The following CHRD variants were observed in gnomAD, a reference collection of about 807,000 sequenced individuals.
CHRD encodes the protein chordin.
A neutral mutation model predicts 113.7 loss-of-function variants in CHRD; 69 were observed. The observed-to-expected ratio is 0.61, with a 90% CI of 0.50 to 0.74. CHRD has a LOEUF of 0.74. CHRD is among the 30% of genes least tolerant of loss of function. CHRD has a pLI of 0.00. For missense variants in CHRD, 1,194 were observed against 1,295.8 expected (o/e 0.92, Z 1.21); for synonymous variants, 561 against 540.8 (o/e 1.04, Z -0.52).
Position 184,380,188 on chromosome 3 carries a change from G to GC in CHRD, c.-127dup. The GC allele has an allele frequency of 1.1e-5, 2 of 174,972 alleles. No individual in the cohort carries two copies. Among genetic ancestry groups the GC allele is most frequent in the Non-Finnish European group, 2.1e-5 (2 of 95,330 alleles). The allele number at this position is 174,972 out of a possible 1,614,324, so 10.8% of individuals were successfully genotyped here. ...CCCTCGCGGCACTGCCCCGGCCCCG[G>GC]CCCCGGCCCCGGCCCCCTCCCGCCG... On this transcript the variant is annotated 5_prime_UTR_variant, in exon 1 of 23. Transcript: ENST00000204604. This position sits in a 1 kb window ranked among gnomAD's most constrained non-coding sequence, Gnocchi z 6.3.
rs1246683634 is a variant in CHRD, at chr3:184,387,932, G to A, written c.2453G>A (p.Gly818Glu). Residue 818 changes from glycine to glutamate, a missense_variant and splice_region_variant, in exon 20 of 23, where the codon GGG (glycine) becomes GAG (glutamate). Physicochemically the swap from Gly to Glu is moderately conservative, Grantham distance 98. Transcript: ENST00000204604. The surrounding 1 kb of genome is among the most constrained non-coding windows in gnomAD (Gnocchi z 6.1). ...TCCTTGCTCAATGGATCCCTACAGG[G>A]GGGCACTGGAGAGGTGCACTGTGAG... 6.2e-7 allele frequency: 1 copy of A among 1,610,782 alleles called. No homozygotes were observed. Among genetic ancestry groups the A allele is most frequent in the African/African-American group, 1.3e-5 (1 of 75,048 alleles).
chr3:184,386,209 G>C, intron 15 of CHRD, 50 bp downstream of exon 15: 1 of 1,569,264 alleles, frequency 6.4e-7, no homozygotes, highest in Non-Finnish European at 8.8e-7. Flanking sequence ...TGCAGAGTTG[G>C]AGGGGCACTG....
At chr3:184,386,450 AG>A in intron 15 of CHRD, 41 bp from the exon 16 acceptor site, 1 of 1,530,444 alleles carries the variant, frequency 6.5e-7, no homozygotes, top group Admixed American at 2.3e-5. Flanking sequence ...TAAAGACGCG[AG>A]GGGGAGCCCC....
At chr3:184,386,435 G>A (rs918993107) in intron 15 of CHRD, 57 bp from the exon 16 acceptor site, 15 of 1,523,186 alleles carry the variant, frequency 9.8e-6, no homozygotes, top group Admixed American at 2.4e-5. Flanking sequence ...GCCAGCTGCC[G>A]CTGGTAAAGA....
exon 9 of CHRD, chr3:184,382,897 G>A: frequency 6.2e-7 from 1 of 1,613,864 alleles, no homozygotes; most frequent in Non-Finnish European, 8.5e-7. Context: ...TCTACACCAG[G>A]GGCAGCTACT....
Position 184,380,869 on chromosome 3 carries a change from T to C in CHRD, c.252+74T>C. The C allele has an allele frequency of 8.7e-7, 1 of 1,152,108 alleles. No homozygotes were observed. The highest frequency in any genetic ancestry group is 1.2e-6 in the Non-Finnish European group (1 of 815,018). The allele number at this position is 1,152,108 out of a possible 1,614,324, so 71.4% of individuals were successfully genotyped here. A position where few individuals can be genotyped will look rare whatever the true frequency, so the allele number is the denominator to read the frequency against. On this transcript the variant is annotated intron_variant, in intron 2 of 22. Transcript: ENST00000204604. This position sits in a 1 kb window ranked among gnomAD's most constrained non-coding sequence, Gnocchi z 6.3. The stretch of plus-strand genomic sequence containing the variant: ...GGGTCGCGCGGGCGTCGGAGTGGAC[T>C]CGGAGCTGCTGAGAAGGAGCCCAGT...
intron 22 of CHRD, 50 bp downstream of exon 22, chr3:184,389,045 C>T (rs779710827): frequency 1.6e-6 from 2 of 1,282,590 alleles, no homozygotes; most frequent in Admixed American, 1.7e-5. Flanking sequence ...GGCTCACCTG[C>T]CTGTGGGACT....
chr3:184,383,748 C>T, intron 12 of CHRD, 106 bp downstream of exon 12: 2 of 982,154 alleles, frequency 2.0e-6, no homozygotes, highest in Non-Finnish European at 2.9e-6. Context: ...CTCATGGGTT[C>T]TCCCACTCAT....
At chr3:184,383,391 G>T in exon 11 of CHRD, 2 of 1,614,042 alleles carry the variant, frequency 1.2e-6, no homozygotes, top group Non-Finnish European at 1.7e-6. Context: ...GCCTCACGCT[G>T]CTAGGAAATG....
At position 184,387,562 on chromosome 3, in the gene CHRD, C is replaced by T; in HGVS notation, c.2451+85C>T. 1 of 1,270,916 alleles carries T rather than the reference C, an allele frequency of 7.9e-7. No individual in the cohort carries two copies. The highest frequency in any genetic ancestry group is 1.1e-6 in the Non-Finnish European group (1 of 931,676). The allele number at this position is 1,270,916 out of a possible 1,614,324, so 78.7% of individuals were successfully genotyped here. On this transcript the variant is annotated intron_variant, in intron 19 of 22. Coordinates refer to ENST00000204604, the Ensembl canonical transcript of CHRD. This position sits in a 1 kb window ranked among gnomAD's most constrained non-coding sequence, Gnocchi z 6.1. ...GGGCTGCCAGGTGAGGAAGGCCCGT[C>T]CTTGGTGAGGAGGGCTCAAGAATCA...
Position 184,386,405 on chromosome 3 carries a change from G to A in CHRD, c.1933-87G>A, listed in dbSNP as rs114821809. 3,449 of 1,500,620 alleles carry A rather than the reference G, an allele frequency of 2.3e-3. 55 individuals carry two copies. The African/African-American group carries it at 0.036, about 16-fold the overall frequency. 93.0% of individuals were successfully genotyped at this position (1,500,620 alleles called of 1,614,324 possible). ...GGGCCACTGCAGCGCTCAGGGGGCC[G>A]AGGTGTCTCCTGCTGGCTGGCCAGC... On this transcript the variant is annotated intron_variant, in intron 15 of 22. Transcript: ENST00000204604.
At position 184,388,728 on chromosome 3, in the gene CHRD, C is replaced by A; in HGVS notation, c.2696C>A (p.Thr899Asn). 6.2e-7 allele frequency: 1 copy of A among 1,613,976 alleles called. No homozygotes were observed. Among genetic ancestry groups the A allele is most frequent in the Non-Finnish European group, 8.5e-7 (1 of 1,180,002 alleles). The change falls in exon 21 of 23, where the codon ACC becomes AAC. Residue 899 changes from threonine to asparagine, a missense_variant. By Grantham distance (65) the Thr-to-Asn change is moderately conservative. Transcript: ENST00000204604. This position sits in a 1 kb window ranked among gnomAD's most constrained non-coding sequence, Gnocchi z 6.1. The stretch of plus-strand genomic sequence containing the variant: ...CCTTTTGGAGAGATGAGCTGTATCA[C>A]CTGCAGATGTGGGGTAAGTGGGGAG...
exon 23 of CHRD, chr3:184,389,453 G>T (rs765738181): frequency 6.2e-7 from 1 of 1,603,382 alleles, no homozygotes. Flanking sequence ...TGACCAAGAG[G>T]ATGGGGCCTG....
At chr3:184,390,452 T>C (rs1434574720), downstream of CHRD, 1 of 151,964 alleles carries the variant, frequency 6.6e-6, no homozygotes, top group African/African-American at 2.4e-5. Context: ...TTTCTGTTTT[T>C]TTCCTGGAAA....
rs566851182 is a variant in CHRD, at chr3:184,385,527, G to A, written c.1818+289G>A. Among the ~76,000 whole-genome samples the A allele has an allele frequency of 6.5e-4, 99 of 152,054 alleles. 1 individual carries two copies. The highest frequency in any genetic ancestry group is 2.3e-3 in the African/African-American group (94 of 41,482). On this transcript the variant is annotated intron_variant, in intron 14 of 22. Transcript: ENST00000204604. ...ACTAAAAATACAAAATTAGCTGGGCGTGGTGGCACATGCCTATAATCCCAG... is the reference window on the plus strand; with the variant it reads ...ACTAAAAATACAAAATTAGCTGGGCATGGTGGCACATGCCTATAATCCCAG...
At chr3:184,383,929 AC>A (rs1715876647) in intron 12 of CHRD, among the ~76,000 whole-genome samples, 1 of 151,994 alleles carries the variant, frequency 6.6e-6, no homozygotes, top group Admixed American at 6.6e-5. Context: ...GGTGTGCACC[AC>A]CACACCCAGC....
In CHRD at chr3:184,384,448, TGG is replaced by T. The variant is rs1715966817; in HGVS notation, c.1441-87_1441-86del. The T allele has an allele frequency of 5.9e-6, 8 of 1,345,212 alleles. No individual in the cohort carries two copies. Among genetic ancestry groups the T allele is most frequent in the Non-Finnish European group, 7.7e-6 (8 of 1,040,064 alleles). 83.3% of individuals were successfully genotyped at this position (1,345,212 alleles called of 1,614,324 possible). The stretch of plus-strand genomic sequence containing the variant: ...TGTTTCTGGTGTGTGGAAGTGTGTG[TGG>T]GTGGAGTGGGGGCACAAAATGGTCC... On this transcript the variant is annotated intron_variant, in intron 12 of 22. Coordinates refer to ENST00000204604, the Ensembl canonical transcript of CHRD. This position sits in a 1 kb window ranked among gnomAD's most constrained non-coding sequence, Gnocchi z 4.4.
rs928359174 is a variant in CHRD, at chr3:184,384,248, T to C, written c.1441-289T>C. On this transcript the variant is annotated intron_variant, in intron 12 of 22. Coordinates refer to ENST00000204604, the Ensembl canonical transcript of CHRD. The surrounding 1 kb of genome is among the most constrained non-coding windows in gnomAD (Gnocchi z 4.4). ...CAATGGTTGCTACTTATAGGGCCTT[T>C]CCATGTGCTAGGTGCTGCATTGGTG... 3.9e-5 allele frequency among the ~76,000 whole-genome samples: 6 copies of C among 152,228 alleles called. No individual in the cohort carries two copies. Among genetic ancestry groups the C allele is most frequent in the Admixed American group, 2.6e-4 (4 of 15,288 alleles).
At chr3:184,383,194 G>A in intron 10 of CHRD, 31 bp downstream of exon 10, 1 of 1,593,136 alleles carries the variant, frequency 6.3e-7, no homozygotes. Context: ...GGTGCGCCGG[G>A]CATGCACAAC....
Sources: allele counts gnomAD v4.1 joint callset (sites outside exome capture counted in the v4.1 genomes callset), GRCh38; gene constraint gnomAD v4.1.1; non-coding constraint Gnocchi (gnomAD v3.1); transcripts MANE v1.5; gene names NCBI Gene and HGNC (gene_info 2026-07-23, HGNC 2026-07-21).